The following ANGPTL5 variants were observed in gnomAD, a reference collection of about 807,000 sequenced individuals.
The protein encoded by ANGPTL5 is angiopoietin like 5.
ANGPTL5 carries 34 observed loss-of-function variants against 39.4 expected under a neutral mutation model. The ratio of observed to expected loss-of-function variants is 0.86; its 90% confidence interval spans 0.66 to 1.15. The LOEUF (loss-of-function observed/expected upper bound fraction) is 1.15, where lower values mean the gene tolerates loss of function less well. Among genes scored for constraint, ANGPTL5 ranks in the 50% most tolerant of loss-of-function variants. The pLI, the probability that ANGPTL5 is intolerant of heterozygous loss-of-function variation, is 0.00. For synonymous variants in ANGPTL5, 146 were observed against 152.1 expected (o/e 0.96, Z 0.29); for missense variants, 467 against 457.5 (o/e 1.02, Z -0.19).
chr11:101,895,833 C>T (rs968524167), intron 7 of ANGPTL5, among the ~76,000 whole-genome samples: 2 of 152,144 alleles, frequency 1.3e-5, no homozygotes, highest in South Asian at 4.1e-4. Flanking sequence ...TATGCCTCTA[C>T]TTGAATCATA....
intron 7 of ANGPTL5, among the ~76,000 whole-genome samples, chr11:101,897,495 C>G (rs1020115409): frequency 3.3e-5 from 5 of 152,102 alleles, no homozygotes; most frequent in African/African-American, 4.8e-5. Context: ...TTAGGTCTTA[C>G]GTTTAAATCT....
chr11:101,901,102 C>G (rs1360121318), intron 6 of ANGPTL5, among the ~76,000 whole-genome samples: 1 of 146,856 alleles, frequency 6.8e-6, no homozygotes, highest in Non-Finnish European at 1.5e-5. Flanking sequence ...TGGTCTCGAT[C>G]TCCTGACCTC....
chr11:101,891,692 G>C lies in ANGPTL5; in HGVS notation c.848-94C>G. ...ATATTAGGCAAGAGCACCACATCTG[G>C]AAATAGGGTTTAAATTATTTTCCTA... On this transcript the variant is annotated intron_variant, in intron 8 of 8. Transcript: ENST00000334289. 3 of 1,207,480 alleles carry C rather than the reference G, an allele frequency of 2.5e-6. No individual in the cohort carries two copies. The South Asian group carries it at 4.0e-5, about 16-fold the overall frequency. 74.8% of individuals were successfully genotyped at this position (1,207,480 alleles called of 1,614,324 possible). A position where few individuals can be genotyped will look rare whatever the true frequency, so the allele number is the denominator to read the frequency against.
intron 6 of ANGPTL5, among the ~76,000 whole-genome samples, chr11:101,902,320 G>T (rs566271568): frequency 1.4e-4 from 22 of 152,166 alleles, no homozygotes; most frequent in African/African-American, 5.3e-4. Flanking sequence ...GCCTGCTATA[G>T]TTCTGCCTGT....
chr11:101,899,152 T>G (rs4754816), intron 7 of ANGPTL5, among the ~76,000 whole-genome samples: 97,968 of 152,116 alleles, frequency 0.64, 32,855 homozygotes, highest in East Asian at 0.91. Flanking sequence ...GATGATTCTG[T>G]CCTCATAAAA....
chr11:101,900,695 T>A (rs1939878797), intron 6 of ANGPTL5, 145 bp from the exon 7 acceptor site: 1 of 805,176 alleles, frequency 1.2e-6, no homozygotes, highest in Admixed American at 2.4e-5. Flanking sequence ...ATTAATTTAT[T>A]CAGATGTTTT....
Position 101,907,204 on chromosome 11 carries a change from T to G in ANGPTL5, c.140A>C (p.Lys47Thr). 1 of 1,558,804 alleles carries G rather than the reference T, an allele frequency of 6.4e-7. No homozygotes were observed. Among genetic ancestry groups the G allele is most frequent in the Non-Finnish European group, 8.8e-7 (1 of 1,134,526 alleles). Residue 47 changes from lysine (K) to threonine (T), a missense_variant, in exon 3 of 9, where the codon AAA (lysine) becomes ACA (threonine). By Grantham distance (78) the Lys-to-Thr change is moderately conservative. Coordinates refer to ENST00000334289, the MANE Select transcript of ANGPTL5 (RefSeq NM_178127.5). ...AGTATCATTACTTTTACTTTCATCT[T>G]TTGCATTAGATCCATCTTCTACAAT... ...VNIVEDGSNA[K>T]DESKSNDTVC...
At position 101,891,234 on chromosome 11, in the gene ANGPTL5, T is replaced by C. The variant is rs756457644; in HGVS notation, c.*45A>G. 20 of 1,523,206 alleles carry C rather than the reference T, an allele frequency of 1.3e-5. No homozygotes were observed. The East Asian group carries it at 4.0e-4, about 30-fold the overall frequency. 94.4% of individuals were successfully genotyped at this position (1,523,206 alleles called of 1,614,324 possible). A position where few individuals can be genotyped will look rare whatever the true frequency, so the allele number is the denominator to read the frequency against. ...GAAAAGATAAACTTTTAAAAATCTT[T>C]AATATATTATCATTGTAGAACTTGC... On this transcript the variant is annotated 3_prime_UTR_variant, in exon 9 of 9. Transcript: ENST00000334289.
In ANGPTL5 at chr11:101,905,761, C is replaced by T. The variant is rs752245271; in HGVS notation, c.328G>A (p.Asp110Asn). The part of the protein sequence containing the change: ...NMMDEQQASL[D>N]YLSNQVNELM... ...ATCTATACCTGATTAGATAAATAAT[C>T]CAAGGAAGCTTGTTGCTCATCCATC... The change falls in exon 4 of 9, where the codon GAT becomes AAT. Residue 110 changes from aspartate (D) to asparagine (N), a missense_variant. Asp to Asn is a conservative substitution (Grantham distance 23). Coordinates refer to ENST00000334289, the MANE Select transcript of ANGPTL5 (RefSeq NM_178127.5). 3 of 1,604,722 alleles carry T rather than the reference C, an allele frequency of 1.9e-6. No individual in the cohort carries two copies. Among genetic ancestry groups the T allele is most frequent in the Admixed American group, 3.3e-5 (2 of 59,952 alleles).
At chr11:101,909,703 A>G (rs930089402) in intron 1 of ANGPTL5, among the ~76,000 whole-genome samples, 1 of 152,148 alleles carries the variant, frequency 6.6e-6, no homozygotes. Flanking sequence ...AAAAAAAAAA[A>G]TAGCCTCAGC....
chr11:101,913,894 G>GGACATTACAAGA (rs1225043132), intron 1 of ANGPTL5, among the ~76,000 whole-genome samples: 2 of 152,220 alleles, frequency 1.3e-5, no homozygotes, highest in African/African-American at 4.8e-5. Flanking sequence ...AGATAGCCAA[G>GGACATTACAAGA]TGTCCAGTTG....
At chr11:101,903,849 C>T (rs1209231182) in intron 5 of ANGPTL5, among the ~76,000 whole-genome samples, 1 of 151,980 alleles carries the variant, frequency 6.6e-6, no homozygotes, top group Non-Finnish European at 1.5e-5. Flanking sequence ...TCATAGCAAG[C>T]AAGCCCTTAT....
intron 5 of ANGPTL5, among the ~76,000 whole-genome samples, chr11:101,903,114 A>G (rs191483089): frequency 3.3e-5 from 5 of 152,284 alleles, no homozygotes; most frequent in Admixed American, 3.3e-4. Context: ...GGAGAAAACC[A>G]AAAGGAATAA....
In ANGPTL5 at chr11:101,895,667, G is replaced by A. The variant is rs183065536; in HGVS notation, c.662-603C>T. 4.0e-3 allele frequency among the ~76,000 whole-genome samples: 613 copies of A among 152,198 alleles called. 2 individuals carry two copies. The highest frequency in any genetic ancestry group is 0.02 in the Middle Eastern group (6 of 294). ...AACATTGGAATATCCCCGGGTTTAGGATCAATATTTCCAAGACAATTATAG... is the reference window on the plus strand; with the variant it reads ...AACATTGGAATATCCCCGGGTTTAGAATCAATATTTCCAAGACAATTATAG... On this transcript the variant is annotated intron_variant, in intron 7 of 8. Coordinates refer to ENST00000334289, the MANE Select transcript of ANGPTL5 (RefSeq NM_178127.5).
intron 5 of ANGPTL5, 73 bp downstream of exon 5, chr11:101,904,741 G>T: frequency 7.6e-7 from 1 of 1,323,696 alleles, no homozygotes. Flanking sequence ...ACTTTTAAAT[G>T]GATCGACCTG....
At position 101,898,836 on chromosome 11, in the gene ANGPTL5, T is replaced by C. The variant is rs146855623; in HGVS notation, c.661+1594A>G. On this transcript the variant is annotated intron_variant, in intron 7 of 8. Transcript: ENST00000334289. ...TACGTTCTATCAATACCTAGTTTATTGAGAGTTTTTAACATGAAGGAGTGT... is the reference window on the plus strand; with the variant it reads ...TACGTTCTATCAATACCTAGTTTATCGAGAGTTTTTAACATGAAGGAGTGT... Among the ~76,000 whole-genome samples, 72 of 152,334 alleles carry C rather than the reference T, an allele frequency of 4.7e-4. 2 individuals carry two copies. In the East Asian group the frequency reaches 0.011, roughly 24 times the overall value.
chr11:101,914,436 G>C (rs542319761), intron 1 of ANGPTL5, among the ~76,000 whole-genome samples: 2 of 152,164 alleles, frequency 1.3e-5, no homozygotes, highest in African/African-American at 4.8e-5. Flanking sequence ...TGCTGTGATG[G>C]TCCATTTCCA....
chr11:101,891,720 G>T, intron 8 of ANGPTL5, 122 bp from the exon 9 acceptor site: 1 of 1,008,076 alleles, frequency 9.9e-7, no homozygotes, highest in Non-Finnish European at 1.5e-6. Flanking sequence ...TTTTCCTACT[G>T]TTTATCATGT....
In ANGPTL5 at chr11:101,891,483, C is replaced by T; in HGVS notation, c.963G>A (p.Val321=). 1 of 1,614,070 alleles carries T rather than the reference C, an allele frequency of 6.2e-7. No individual in the cohort carries two copies. Among genetic ancestry groups the T allele is most frequent in the Non-Finnish European group, 8.5e-7 (1 of 1,179,980 alleles). The change falls in exon 9 of 9, where the codon GTG becomes GTA. Residue 321 remains valine, a synonymous_variant. Transcript: ENST00000334289. ...RPACLVNGQS[V]KSCSHLHNKT... ...TGTTATGGAGGTGACTGCAGCTCTTCACAGACTGACCATTGACCAGGCATG... is the reference window on the plus strand; with the variant it reads ...TGTTATGGAGGTGACTGCAGCTCTTTACAGACTGACCATTGACCAGGCATG...
Sources: allele counts gnomAD v4.1 joint callset (sites outside exome capture counted in the v4.1 genomes callset), GRCh38; gene constraint gnomAD v4.1.1; transcripts MANE v1.5; gene names NCBI Gene and HGNC (gene_info 2026-07-23, HGNC 2026-07-21).